Variants in KCNMA1 observed in about 807,000 individuals in gnomAD.
The protein encoded by KCNMA1 is potassium calcium-activated channel subfamily M alpha 1.
KCNMA1 carries 29 observed loss-of-function variants against 140.0 expected under a neutral mutation model. That is an observed-to-expected ratio of 0.21 (90% CI 0.15 to 0.28). KCNMA1 has a LOEUF of 0.28. KCNMA1 is among the 10% of genes least tolerant of loss of function. The probability of loss-of-function intolerance (pLI) is 1.00; values close to 1 mark genes in which losing one functional copy is unlikely to be tolerated. For synonymous variants in KCNMA1, 612 were observed against 611.9 expected (o/e 1.00, Z 0.00); for missense variants, 880 against 1,602.2 (o/e 0.55, Z 7.70).
chr10:76,909,875 C>T, intron 25 of KCNMA1, 91 bp downstream of exon 25: 3 of 1,422,150 alleles, frequency 2.1e-6, no homozygotes, highest in Non-Finnish European at 2.9e-6. Flanking sequence ...TCCACTGTGG[C>T]CCCAGTGCAG....
chr10:76,944,754 T>C lies in KCNMA1; in HGVS notation c.2902+19A>G, dbSNP rs199568235. ...GTCCCCTGCAGGCACAGCAAAGAAG[T>C]ATTACAGGCTGTCCTTACCTTGGGA... On this transcript the variant is annotated intron_variant, in intron 23 of 27. Transcript: ENST00000286628. The C allele has an allele frequency of 3.7e-5, 59 of 1,609,684 alleles. No homozygotes were observed. Among genetic ancestry groups the C allele is most frequent in the Non-Finnish European group, 4.6e-5 (54 of 1,176,312 alleles).
At chr10:77,391,677 A>G (rs1002002847) in intron 2 of KCNMA1, among the ~76,000 whole-genome samples, 22 of 151,950 alleles carry the variant, frequency 1.4e-4, no homozygotes, top group African/African-American at 4.4e-4. Flanking sequence ...CTCTGGACCC[A>G]GAGTCTAAAA....
intron 3 of KCNMA1, among the ~76,000 whole-genome samples, chr10:77,221,637 T>A (rs565484674): frequency 6.6e-6 from 1 of 152,214 alleles, no homozygotes; most frequent in African/African-American, 2.4e-5. Flanking sequence ...TCAAAACAGG[T>A]CATGTATGCC....
chr10:76,977,176 G>A (rs2077871832), intron 19 of KCNMA1, among the ~76,000 whole-genome samples: 1 of 152,162 alleles, frequency 6.6e-6, no homozygotes. Flanking sequence ...CCGCGTTTGT[G>A]AGGGACAACT....
At position 76,886,875 on chromosome 10, in the gene KCNMA1, C is replaced by A. The variant is rs2037236889; in HGVS notation, c.*391G>T. Reference sequence around the variant, plus strand: ...AACAACAAAATCAAAACCCAAAGCACCCTGATAATCCTGATAAATCAGAAT... The same window carrying A: ...AACAACAAAATCAAAACCCAAAGCAACCTGATAATCCTGATAAATCAGAAT... On this transcript the variant is annotated 3_prime_UTR_variant, in exon 28 of 28. Transcript: ENST00000286628. The A allele has an allele frequency of 9.2e-7, 1 of 1,091,286 alleles. No individual in the cohort carries two copies. The highest frequency in any genetic ancestry group is 1.1e-6 in the Non-Finnish European group (1 of 893,078). 67.6% of individuals were successfully genotyped at this position (1,091,286 alleles called of 1,614,324 possible).
chr10:77,274,123 G>T (rs531049241), intron 2 of KCNMA1, among the ~76,000 whole-genome samples: 1 of 152,140 alleles, frequency 6.6e-6, no homozygotes, highest in African/African-American at 2.4e-5. Context: ...CCATGGGGAT[G>T]CAGTTAAGGA....
chr10:76,988,638 C>T (rs940729799), intron 19 of KCNMA1, among the ~76,000 whole-genome samples: 21 of 152,090 alleles, frequency 1.4e-4, no homozygotes, highest in African/African-American at 5.1e-4. Context: ...CCCATCTGTT[C>T]TCCTCTTTTT....
rs1050243310 is a variant in KCNMA1, at chr10:77,190,479, T to C, written c.603-5563A>G. 2.0e-4 allele frequency among the ~76,000 whole-genome samples: 31 copies of C among 152,252 alleles called. No individual in the cohort carries two copies. In the East Asian group the frequency reaches 5.6e-3, roughly 28 times the overall value. On this transcript the variant is annotated intron_variant, in intron 3 of 27. Coordinates refer to ENST00000286628, the MANE Select transcript of KCNMA1 (RefSeq NM_001161352.2). ...TGTGCCATACCACTTCCTCTCCAGA[T>C]GGAGTGCAGCCTTCTTGGAGAGGAA... is the stretch of plus-strand genomic sequence containing the variant.
At chr10:77,028,367 A>G (rs1423621327) in intron 15 of KCNMA1, among the ~76,000 whole-genome samples, 1 of 152,094 alleles carries the variant, frequency 6.6e-6, no homozygotes, top group Admixed American at 6.5e-5. Flanking sequence ...GCCTCTGTGT[A>G]AGTGCCCAGC....
chr10:77,435,112 A>AT (rs2097233004), intron 1 of KCNMA1, among the ~76,000 whole-genome samples: 3 of 151,136 alleles, frequency 2.0e-5, no homozygotes, highest in East Asian at 1.9e-4. Flanking sequence ...TTTTTTTTTA[A>AT]TTTTTTGTAG....
chr10:77,189,224 C>T (rs1166364670), intron 3 of KCNMA1, among the ~76,000 whole-genome samples: 1 of 152,136 alleles, frequency 6.6e-6, no homozygotes, highest in African/African-American at 2.4e-5. Context: ...TTTCTTGCAA[C>T]TACACACTAA....
chr10:77,199,016 C>T (rs1217879067), intron 3 of KCNMA1, among the ~76,000 whole-genome samples: 4 of 152,042 alleles, frequency 2.6e-5, no homozygotes, highest in African/African-American at 7.2e-5. Flanking sequence ...CTTAACATAC[C>T]CACTGAAACT....
chr10:76,889,361 TACA>T, intron 27 of KCNMA1, 87 bp downstream of exon 27: 2 of 885,986 alleles, frequency 2.3e-6, no homozygotes, highest in Non-Finnish European at 3.8e-6. Context: ...AGGAGATGTA[TACA>T]GACCTTTGCC....
chr10:77,372,917 G>A (rs1350527434), intron 2 of KCNMA1: 2 of 152,118 alleles, frequency 1.3e-5, no homozygotes, highest in East Asian at 3.8e-4. Context: ...TTAACAGCCT[G>A]CCCAAGAAAT....
intron 24 of KCNMA1, chr10:76,914,710 A>C (rs2051988066): frequency 2.1e-6 from 1 of 470,466 alleles, no homozygotes. Flanking sequence ...GAAAACAGTG[A>C]CCAGCATGAA....
chr10:77,553,382 G>A lies in KCNMA1; in HGVS notation c.378+83883C>T, dbSNP rs1374031009. On this transcript the variant is annotated intron_variant, in intron 1 of 27. Transcript: ENST00000286628. ...CCTCTCCTGCTGCAGCAAGGAAAGG[G>A]GCACTTGGGAGCTGAGAAGGCAGGA... Among the ~76,000 whole-genome samples the A allele has an allele frequency of 2.0e-5, 3 of 152,220 alleles. No homozygotes were observed. In the East Asian group the frequency reaches 5.8e-4, roughly 30 times the overall value.
chr10:77,459,124 G>A (rs1187419633), intron 1 of KCNMA1, among the ~76,000 whole-genome samples: 1 of 152,192 alleles, frequency 6.6e-6, no homozygotes, highest in Non-Finnish European at 1.5e-5. Context: ...TAGGGGGAGG[G>A]AAGGCACTGA....
At chr10:77,028,281 G>A (rs187617771) in intron 15 of KCNMA1, among the ~76,000 whole-genome samples, 7 of 151,996 alleles carry the variant, frequency 4.6e-5, no homozygotes, top group Non-Finnish European at 8.8e-5. Context: ...ATTCCGTTTC[G>A]GTCTTTTGTA....
At chr10:77,107,269 C>G (rs540067147) in intron 9 of KCNMA1, among the ~76,000 whole-genome samples, 2 of 152,214 alleles carry the variant, frequency 1.3e-5, no homozygotes, top group Admixed American at 6.5e-5. Context: ...CAAAACAAAA[C>G]AGTTCCATGA....
Sources: gnomAD v4.1 joint callset for allele counts (sites outside exome capture counted in the v4.1 genomes callset) on GRCh38, gnomAD v4.1.1 for gene constraint, MANE v1.5 for transcripts, NCBI Gene and HGNC (gene_info 2026-07-23, HGNC 2026-07-21) for gene names.